The following ARHGAP15 variants were observed in gnomAD, a reference collection of about 807,000 sequenced individuals.
ARHGAP15 encodes the protein Rho GTPase activating protein 15.
Under a neutral mutation model 63.7 loss-of-function variants are expected in ARHGAP15, and 51 were observed. The ratio of observed to expected loss-of-function variants is 0.80; its 90% CI spans 0.64 to 1.01. The LOEUF is 1.01. ARHGAP15 is among the 50% of genes least tolerant of loss of function. The probability of loss-of-function intolerance (pLI) is 0.00; values close to 1 mark genes in which losing one functional copy is unlikely to be tolerated. For synonymous variants in ARHGAP15, 191 were observed against 193.8 expected (o/e 0.99, Z 0.12); for missense variants, 560 against 564.6 (o/e 0.99, Z 0.08).
At chr2:143,293,387 T>A (rs1312120745) in intron 6 of ARHGAP15, among the ~76,000 whole-genome samples, 1 of 152,104 alleles carries the variant, frequency 6.6e-6, no homozygotes, top group African/African-American at 2.4e-5. Context: ...CACAACAAAG[T>A]GTTCCTGAAA....
At chr2:143,256,812 A>T (rs1044835021) in intron 6 of ARHGAP15, among the ~76,000 whole-genome samples, 7 of 152,120 alleles carry the variant, frequency 4.6e-5, no homozygotes, top group African/African-American at 1.7e-4. Context: ...GTATATAAAG[A>T]TTGAGTGCAA....
intron 12 of ARHGAP15, among the ~76,000 whole-genome samples, chr2:143,643,444 A>T (rs1302312894): frequency 1.5e-5 from 2 of 137,766 alleles, no homozygotes; most frequent in Admixed American, 1.6e-4. Flanking sequence ...CCCACCAAAA[A>T]AAAGTTATAG....
At chr2:143,471,144 T>C (rs1367586897) in intron 8 of ARHGAP15, among the ~76,000 whole-genome samples, 1 of 146,360 alleles carries the variant, frequency 6.8e-6, no homozygotes, top group Admixed American at 6.7e-5. Context: ...TACACACATG[T>C]GTGTGTATAG....
chr2:143,256,264 G>A (rs1377077374), intron 6 of ARHGAP15, among the ~76,000 whole-genome samples: 1 of 152,026 alleles, frequency 6.6e-6, no homozygotes, highest in Non-Finnish European at 1.5e-5. Flanking sequence ...TTCCAGATAT[G>A]AATTTTAGAA....
rs530072482 is a variant in ARHGAP15 at position 143,496,506 on chromosome 2, G to A, written c.826+9011G>A. 2.0e-5 allele frequency among the ~76,000 whole-genome samples: 3 copies of A among 152,282 alleles called. No individual in the cohort carries two copies. The South Asian group carries it at 6.2e-4, about 32-fold the overall frequency. On this transcript the variant is annotated intron_variant, in intron 9 of 13. Coordinates refer to ENST00000295095, the MANE Select transcript of ARHGAP15 (RefSeq NM_018460.4). ...TTATGGGGACAGATCTTTTTATACA[G>A]ATGTTAGTGAGAATGTAATATTTGA... is the stretch of plus-strand genomic sequence containing the variant.
chr2:143,195,174 CAAT>C (rs1691842046), intron 2 of ARHGAP15, among the ~76,000 whole-genome samples: 1 of 151,116 alleles, frequency 6.6e-6, no homozygotes, highest in South Asian at 2.1e-4. Context: ...TTCTGACTGA[CAAT>C]AATAAACAAT....
chr2:143,330,124 A>C (rs1396354726), intron 6 of ARHGAP15, among the ~76,000 whole-genome samples: 2 of 84,180 alleles, frequency 2.4e-5, no homozygotes, highest in Non-Finnish European at 5.2e-5. Flanking sequence ...AAAAAAAAAA[A>C]AAAAAAACCA....
chr2:143,654,364 T>C (rs554786673), intron 12 of ARHGAP15, among the ~76,000 whole-genome samples: 6 of 152,312 alleles, frequency 3.9e-5, no homozygotes, highest in Admixed American at 2.6e-4. Context: ...GAGGTCACTA[T>C]AACTTACTCA....
At chr2:143,700,679 T>C (rs1445879211) in intron 12 of ARHGAP15, among the ~76,000 whole-genome samples, 1 of 151,904 alleles carries the variant, frequency 6.6e-6, no homozygotes, top group Non-Finnish European at 1.5e-5. Context: ...AATGAATATA[T>C]ATATATGAGT....
At chr2:143,591,690 G>A (rs1297898776) in intron 11 of ARHGAP15, among the ~76,000 whole-genome samples, 1 of 149,274 alleles carries the variant, frequency 6.7e-6, no homozygotes, top group African/African-American at 2.5e-5. Flanking sequence ...GCACGATCTC[G>A]GCTCACGCAA....
intron 12 of ARHGAP15, among the ~76,000 whole-genome samples, chr2:143,702,878 C>T (rs1230079619): frequency 1.3e-5 from 2 of 152,066 alleles, no homozygotes; most frequent in Non-Finnish European, 2.9e-5. Context: ...TCCACTGGGC[C>T]CATTGAGATA....
At chr2:143,261,124 G>A (rs965558205) in intron 6 of ARHGAP15, among the ~76,000 whole-genome samples, 1 of 152,010 alleles carries the variant, frequency 6.6e-6, no homozygotes, top group Non-Finnish European at 1.5e-5. Context: ...AATAACATTT[G>A]CTCTTTGGCA....
chr2:143,436,445 G>C (rs945072807), intron 7 of ARHGAP15, among the ~76,000 whole-genome samples: 7 of 152,080 alleles, frequency 4.6e-5, no homozygotes, highest in Admixed American at 4.6e-4. Context: ...ACTTTTTCCT[G>C]TTATTAGTAT....
intron 6 of ARHGAP15, among the ~76,000 whole-genome samples, chr2:143,424,225 T>C (rs901441371): frequency 4.6e-5 from 7 of 152,014 alleles, no homozygotes; most frequent in African/African-American, 1.7e-4. Context: ...AAGGACAAAG[T>C]TGATGTCAGT....
intron 12 of ARHGAP15, among the ~76,000 whole-genome samples, chr2:143,637,738 A>AG (rs1388028034): frequency 6.6e-6 from 1 of 151,932 alleles, no homozygotes; most frequent in Non-Finnish European, 1.5e-5. Context: ...TTGTGCCAAA[A>AG]AAAAAAAACT....
Position 143,263,479 on chromosome 2 carries a change from T to C in ARHGAP15, c.474+12879T>C, listed in dbSNP as rs142411528. Among the ~76,000 whole-genome samples the C allele has an allele frequency of 2.0e-4, 31 of 152,140 alleles. No homozygotes were observed. The East Asian group carries it at 6.0e-3, about 29-fold the overall frequency. On this transcript the variant is annotated intron_variant, in intron 6 of 13. Transcript: ENST00000295095. Reference sequence around the variant, plus strand: ...TCATGTAATCAGTGGTAGGTAGCCTTGGGGAGAAAAAGCCATGATGTTGAG... The same window carrying C: ...TCATGTAATCAGTGGTAGGTAGCCTCGGGGAGAAAAAGCCATGATGTTGAG...
In ARHGAP15 at chr2:143,153,843, T is replaced by TTCTTCTTCCTCTTCCTCCTCCTCC. The variant is rs1689957969; in HGVS notation, c.-14-1632_-14-1631insTTCTTCCTCTTCCTCCTCCTCCTC. Among the ~76,000 whole-genome samples, 14 of 86,890 alleles carry TTCTTCTTCCTCTTCCTCCTCCTCC rather than the reference T, an allele frequency of 1.6e-4. 1 individual carries two copies. Among genetic ancestry groups the TTCTTCTTCCTCTTCCTCCTCCTCC allele is most frequent in the South Asian group, 9.7e-4 (2 of 2,064 alleles). The allele number at this position is 86,890 out of a possible 152,430, so 57.0% of individuals were successfully genotyped here. ...CTTCTTCTTCTTCTTCTTCTTCTTC[T>TTCTTCTTCCTCTTCCTCCTCCTCC]TCCTCCTCCTCCTCCTCCTCCTCCT... is the stretch of plus-strand genomic sequence containing the variant. On this transcript the variant is annotated intron_variant, in intron 1 of 13. Transcript: ENST00000295095.
rs572762537 is a variant in ARHGAP15 at position 143,227,859 on chromosome 2, A to G, written c.297-722A>G. 1.3e-5 allele frequency among the ~76,000 whole-genome samples: 2 copies of G among 152,234 alleles called. 1 individual carries two copies. The highest frequency in any genetic ancestry group is 4.1e-4 in the South Asian group (2 of 4,832). On this transcript the variant is annotated intron_variant, in intron 4 of 13. Transcript: ENST00000295095. ...TAGAATAAATTTAAATTCGTAGGGA[A>G]TGGACATTTTTAGCCAAAAGATATA...
intron 8 of ARHGAP15, among the ~76,000 whole-genome samples, chr2:143,482,312 C>G (rs1466727498): frequency 6.6e-6 from 1 of 152,098 alleles, no homozygotes; most frequent in African/African-American, 2.4e-5. Context: ...CTGCAGGAAG[C>G]TTCACCCTCA....
Sources: allele counts gnomAD v4.1 joint callset (sites outside exome capture counted in the v4.1 genomes callset), GRCh38; gene constraint gnomAD v4.1.1; transcripts MANE v1.5; gene names NCBI Gene and HGNC (gene_info 2026-07-23, HGNC 2026-07-21).